ITPRID2: variants seen among roughly 807,000 people sequenced by gnomAD.
The protein encoded by ITPRID2 is ITPR interacting domain containing 2.
Under a neutral mutation model 124.3 loss-of-function variants are expected in ITPRID2, and 60 were observed. The observed-to-expected ratio is 0.48, with a 90% CI of 0.39 to 0.60. The LOEUF (loss-of-function observed/expected upper bound fraction) is 0.60, where lower values mean the gene tolerates loss of function less well. Among genes scored for constraint, ITPRID2 ranks in the 20% least tolerant of loss-of-function variants. The pLI, the probability that ITPRID2 is intolerant of heterozygous loss-of-function variation, is 0.00. For synonymous variants in ITPRID2, 521 were observed against 542.9 expected (o/e 0.96, Z 0.56); for missense variants, 1,553 against 1,512.2 (o/e 1.03, Z -0.45).
intron 9 of ITPRID2, among the ~76,000 whole-genome samples, 174 bp from the exon 10 acceptor site, chr2:181,913,671 G>A (rs1220997349): frequency 6.6e-6 from 1 of 152,128 alleles, no homozygotes; most frequent in East Asian, 1.9e-4. Context: ...GTACTTTGAA[G>A]ACATAATTTT....
chr2:181,900,070 A>G (rs1430602518), intron 6 of ITPRID2, among the ~76,000 whole-genome samples: 1 of 152,184 alleles, frequency 6.6e-6, no homozygotes, highest in Non-Finnish European at 1.5e-5. Flanking sequence ...GGTATGAGAG[A>G]GAAGGGATAC....
intron 2 of ITPRID2, 75 bp from the exon 3 acceptor site, chr2:181,895,955 A>T: frequency 1.6e-6 from 2 of 1,251,462 alleles, no homozygotes; most frequent in Non-Finnish European, 1.2e-6. Context: ...GTAACTCTTT[A>T]AGTAAGGCTG....
intron 8 of ITPRID2, among the ~76,000 whole-genome samples, chr2:181,906,419 A>C (rs1693127593): frequency 6.6e-6 from 1 of 152,152 alleles, no homozygotes; most frequent in Non-Finnish European, 1.5e-5. Context: ...TATGAGGTAG[A>C]AATTTTAATT....
intron 16 of ITPRID2, among the ~76,000 whole-genome samples, chr2:181,925,990 C>T (rs543003246): frequency 7.7e-4 from 117 of 152,178 alleles, no homozygotes; most frequent in Admixed American, 2.5e-3. Context: ...TTTTATGAAA[C>T]CGACGAGGTG....
chr2:181,916,603 G>C, intron 11 of ITPRID2, 176 bp downstream of exon 11: 1 of 901,440 alleles, frequency 1.1e-6, no homozygotes, highest in Admixed American at 2.9e-5. Context: ...TTTCAAGGGA[G>C]AAGCTGTAAC....
At chr2:181,918,378 C>T (rs971540398) in intron 11 of ITPRID2, 2 of 1,305,552 alleles carry the variant, frequency 1.5e-6, no homozygotes, top group Non-Finnish European at 1.9e-6. Context: ...CCTTCGCCTC[C>T]TCCTCCCACG....
intron 9 of ITPRID2, 72 bp from the exon 10 acceptor site, chr2:181,913,773 A>G (rs1178198162): frequency 9.7e-7 from 1 of 1,030,834 alleles, no homozygotes; most frequent in Non-Finnish European, 1.4e-6. Flanking sequence ...TATTGCTCTC[A>G]GTAATTTCTT....
intron 7 of ITPRID2, among the ~76,000 whole-genome samples, chr2:181,901,341 C>A (rs959537309): frequency 3.3e-5 from 5 of 152,126 alleles, no homozygotes; most frequent in Non-Finnish European, 7.4e-5. Context: ...CTGCATTGTT[C>A]ATGGATCAGT....
chr2:181,900,304 C>A (rs997991572), intron 6 of ITPRID2, among the ~76,000 whole-genome samples: 3 of 152,218 alleles, frequency 2.0e-5, no homozygotes, highest in Non-Finnish European at 2.9e-5. Flanking sequence ...CACAAAATGT[C>A]CCTCAGTTCC....
chr2:181,892,762 T>A lies in ITPRID2; in HGVS notation c.257+102T>A. ...GCGTCCCTGTGGGTCCCGCGACCGT[T>A]GTAAGCTACAAACCGGAAAGTGAGC... On this transcript the variant is annotated intron_variant, in intron 2 of 17. Coordinates refer to ENST00000431877, the MANE Select transcript of ITPRID2 (RefSeq NM_001130445.3). This position sits in a 1 kb window ranked among gnomAD's most constrained non-coding sequence, Gnocchi z 5.2. The A allele has an allele frequency of 2.8e-6, 4 of 1,410,258 alleles. No homozygotes were observed. Among genetic ancestry groups the A allele is most frequent in the South Asian group, 1.2e-5 (1 of 85,992 alleles). 87.4% of individuals were successfully genotyped at this position (1,410,258 alleles called of 1,614,324 possible).
At chr2:181,926,534 A>G (rs566231310) in intron 16 of ITPRID2, among the ~76,000 whole-genome samples, 11 of 152,196 alleles carry the variant, frequency 7.2e-5, no homozygotes, top group Admixed American at 1.3e-4. Flanking sequence ...TAACATGGTG[A>G]AACCCCGTCT....
In ITPRID2 at chr2:181,891,865, A is replaced by C; in HGVS notation, c.-202A>C. On this transcript the variant is annotated 5_prime_UTR_variant, in exon 1 of 18. Coordinates refer to ENST00000431877, the MANE Select transcript of ITPRID2 (RefSeq NM_001130445.3). ...CGCGCGCCCGGCCGCCTTCATGTGA[A>C]GCGCCGGCCCTCCGCCCCTTCCCTC... The C allele has an allele frequency of 3.0e-6, 1 of 338,722 alleles. No individual in the cohort carries two copies. The highest frequency in any genetic ancestry group is 5.5e-6 in the Non-Finnish European group (1 of 182,062). The allele number at this position is 338,722 out of a possible 1,614,324, so 21.0% of individuals were successfully genotyped here. A position where few individuals can be genotyped will look rare whatever the true frequency, so the allele number is the denominator to read the frequency against.
intron 10 of ITPRID2, among the ~76,000 whole-genome samples, chr2:181,914,145 A>G (rs1003734531): frequency 1.2e-4 from 18 of 152,288 alleles, no homozygotes; most frequent in East Asian, 5.8e-4. Flanking sequence ...AAAAATATCT[A>G]TCTTCCCCTT....
chr2:181,924,060 T>C (rs1015622622), intron 16 of ITPRID2, among the ~76,000 whole-genome samples: 30 of 152,226 alleles, frequency 2.0e-4, no homozygotes, highest in Admixed American at 1.9e-3. Flanking sequence ...TTTCAGAATT[T>C]GTTATTTAAA....
At position 181,919,465 on chromosome 2, in the gene ITPRID2, G is replaced by T. The variant is rs745847708; in HGVS notation, c.3144+19G>T. 6.6e-7 allele frequency: 1 copy of T among 1,521,710 alleles called. No individual in the cohort carries two copies. The highest frequency in any genetic ancestry group is 2.3e-5 in the Admixed American group (1 of 43,938). The allele number at this position is 1,521,710 out of a possible 1,614,324, so 94.3% of individuals were successfully genotyped here. A position where few individuals can be genotyped will look rare whatever the true frequency, so the allele number is the denominator to read the frequency against. On this transcript the variant is annotated intron_variant, in intron 14 of 17. Coordinates refer to ENST00000431877, the MANE Select transcript of ITPRID2 (RefSeq NM_001130445.3). The surrounding 1 kb of genome is among the most constrained non-coding windows in gnomAD (Gnocchi z 4.2). Reference sequence around the variant, plus strand: ...ACTCATGGTACGCTACCTGGAGGGTGGTCGGAGTTTTCACCAAAGGTTTAT... The same window carrying T: ...ACTCATGGTACGCTACCTGGAGGGTTGTCGGAGTTTTCACCAAAGGTTTAT...
At chr2:181,894,630 C>T (rs1170801120) in intron 2 of ITPRID2, 1 of 152,078 alleles carries the variant, frequency 6.6e-6, no homozygotes. Context: ...TTGATAAGTT[C>T]TCAAATAGTC....
Position 181,896,028 on chromosome 2 carries a change from AGT to A in ITPRID2, c.258-1_258del. 6.2e-7 allele frequency: 1 copy of A among 1,612,662 alleles called. No homozygotes were observed. On this transcript the variant is annotated splice_acceptor_variant and coding_sequence_variant, in exon 3 of 18. Coordinates refer to ENST00000431877, the MANE Select transcript of ITPRID2 (RefSeq NM_001130445.3). LOFTEE classifies it high-confidence loss of function. This position sits in a 1 kb window ranked among gnomAD's most constrained non-coding sequence, Gnocchi z 4.3. Reference sequence around the variant, plus strand: ...AAGGCTTATACGTTTATATGGTTTCAGTACACCTTTGGGAGCCTCACTGGATG... The same window carrying A: ...AAGGCTTATACGTTTATATGGTTTCAACACCTTTGGGAGCCTCACTGGATG...
At position 181,891,860 on chromosome 2, in the gene ITPRID2, T is replaced by C. The variant is rs531528399; in HGVS notation, c.-207T>C. On this transcript the variant is annotated 5_prime_UTR_variant, in exon 1 of 18. The change abolishes an upstream ATG in the 5' untranslated region. Coordinates refer to ENST00000431877, the MANE Select transcript of ITPRID2 (RefSeq NM_001130445.3). ...TCCCGCGCGCGCCCGGCCGCCTTCA[T>C]GTGAAGCGCCGGCCCTCCGCCCCTT... is the stretch of plus-strand genomic sequence containing the variant. 6.6e-5 allele frequency: 22 copies of C among 334,862 alleles called. No homozygotes were observed. The highest frequency in any genetic ancestry group is 1.6e-4 in the Admixed American group (3 of 19,242). 20.7% of individuals were successfully genotyped at this position (334,862 alleles called of 1,614,324 possible). A position where few individuals can be genotyped will look rare whatever the true frequency, so the allele number is the denominator to read the frequency against.
At chr2:181,900,499 G>T (rs554872097) in intron 6 of ITPRID2, among the ~76,000 whole-genome samples, 197 bp from the exon 7 acceptor site, 2 of 152,220 alleles carry the variant, frequency 1.3e-5, no homozygotes, top group South Asian at 2.1e-4. Flanking sequence ...TTGAGACAAT[G>T]AACCCTTTAT....
Sources: allele counts gnomAD v4.1 joint callset (sites outside exome capture counted in the v4.1 genomes callset), GRCh38; gene constraint gnomAD v4.1.1; non-coding constraint Gnocchi (gnomAD v3.1); transcripts MANE v1.5; gene names NCBI Gene and HGNC (gene_info 2026-07-23, HGNC 2026-07-21).